The following ZNF710 variants were observed in gnomAD, a reference collection of about 807,000 sequenced individuals.
ZNF710 encodes zinc finger protein 710.
A neutral mutation model predicts 50.6 loss-of-function variants in ZNF710; 13 were observed. The observed-to-expected ratio is 0.26, with a 90% CI of 0.17 to 0.41. The LOEUF (loss-of-function observed/expected upper bound fraction) is 0.41, where lower values mean the gene tolerates loss of function less well. ZNF710 is among the 10% of genes least tolerant of loss of function. The probability of loss-of-function intolerance (pLI) is 1.00; values close to 1 mark genes in which losing one functional copy is unlikely to be tolerated. For synonymous variants in ZNF710, 383 were observed against 397.0 expected (o/e 0.96, Z 0.42); for missense variants, 721 against 936.6 (o/e 0.77, Z 3.01).
intron 1 of ZNF710, among the ~76,000 whole-genome samples, chr15:90,046,740 G>C (rs180734563): frequency 6.6e-6 from 1 of 152,182 alleles, no homozygotes; most frequent in Non-Finnish European, 1.5e-5. Context: ...AGGGTCTGGG[G>C]CTCCAAAGGG....
chr15:90,079,407 T>G (rs897987045), intron 4 of ZNF710, among the ~76,000 whole-genome samples: 1 of 152,046 alleles, frequency 6.6e-6, no homozygotes, highest in African/African-American at 2.4e-5. Flanking sequence ...GGCCTGCAGT[T>G]CTCCACCACA....
At chr15:90,054,131 G>A (rs1026490684) in intron 1 of ZNF710, among the ~76,000 whole-genome samples, 8 of 152,284 alleles carry the variant, frequency 5.3e-5, no homozygotes, top group Admixed American at 1.3e-4. Flanking sequence ...AAAAGGGAGC[G>A]AGAGAGCAGA....
rs1243634333 is a variant in ZNF710 at position 90,062,819 on chromosome 15, C to T, written c.-28-4291C>T. On this transcript the variant is annotated intron_variant, in intron 1 of 4. Transcript: ENST00000268154. This position sits in a 1 kb window ranked among gnomAD's most constrained non-coding sequence, Gnocchi z 5.6. ...TTAGATTCCCTCCTCAGCAGAGCCC[C>T]TTCTGCATACACACACGCGCGCACG... 6.6e-6 allele frequency among the ~76,000 whole-genome samples: 1 copy of T among 152,194 alleles called. No individual in the cohort carries two copies. Among genetic ancestry groups the T allele is most frequent in the Non-Finnish European group, 1.5e-5 (1 of 68,012 alleles).
At chr15:90,070,204 A>G (rs1412831553) in intron 2 of ZNF710, among the ~76,000 whole-genome samples, 1 of 152,172 alleles carries the variant, frequency 6.6e-6, no homozygotes, top group African/African-American at 2.4e-5. Context: ...TAATGTCAAG[A>G]AAGAGTCTAG....
At position 90,034,208 on chromosome 15, in the gene ZNF710, A is replaced by AAAAG. The variant is rs1255784288; in HGVS notation, c.-29+32598_-29+32601dup. Reference sequence around the variant, plus strand: ...GTGAGACTCTGTCTCAAAAAAAAAGAAAAGAAAAGAAAAGAAAAGAAAACA... The same window carrying AAAAG: ...GTGAGACTCTGTCTCAAAAAAAAAGAAAAGAAAGAAAAGAAAAGAAAAGAAAACA... On this transcript the variant is annotated intron_variant, in intron 1 of 4. Coordinates refer to ENST00000268154, the MANE Select transcript of ZNF710 (RefSeq NM_198526.4). The surrounding 1 kb of genome is among the most constrained non-coding windows in gnomAD (Gnocchi z 4.0). Among the ~76,000 whole-genome samples the AAAAG allele has an allele frequency of 6.4e-4, 91 of 141,090 alleles. No individual in the cohort carries two copies. The highest frequency in any genetic ancestry group is 2.5e-3 in the African/African-American group (84 of 33,062). The allele number at this position is 141,090 out of a possible 152,430, so 92.6% of individuals were successfully genotyped here.
At chr15:90,060,249 T>C (rs894829749) in intron 1 of ZNF710, among the ~76,000 whole-genome samples, 3 of 152,218 alleles carry the variant, frequency 2.0e-5, no homozygotes, top group Admixed American at 1.3e-4. Context: ...GTTTAGTAAA[T>C]GTGCATTAAA....
At chr15:90,052,077 T>G (rs1349301638) in intron 1 of ZNF710, among the ~76,000 whole-genome samples, 1 of 152,084 alleles carries the variant, frequency 6.6e-6, no homozygotes, top group Non-Finnish European at 1.5e-5. Flanking sequence ...TCCTCGGACC[T>G]TGCTCCTGGG....
chr15:90,067,698 T>C lies in ZNF710; in HGVS notation c.561T>C (p.Tyr187=). 3 of 1,611,094 alleles carry C rather than the reference T, an allele frequency of 1.9e-6. No homozygotes were observed. Among genetic ancestry groups the C allele is most frequent in the Non-Finnish European group, 2.5e-6 (3 of 1,178,694 alleles). Residue 187 remains tyrosine (Y), a synonymous_variant, in exon 2 of 5, where the codon TAT becomes TAC. Transcript: ENST00000268154. This position sits in a 1 kb window ranked among gnomAD's most constrained non-coding sequence, Gnocchi z 8.1. Reference sequence around the variant, plus strand: ...GGCCGGAGCTGAACGTGGCCCCATATGACCCTCACTTCCCGGCCCCGGCCC... The same window carrying C: ...GGCCGGAGCTGAACGTGGCCCCATACGACCCTCACTTCCCGGCCCCGGCCC... The part of the protein sequence containing the change: ...TPRPELNVAP[Y]DPHFPAPARD...
At chr15:90,038,707 C>G (rs531739620) in intron 1 of ZNF710, among the ~76,000 whole-genome samples, 35 of 143,580 alleles carry the variant, frequency 2.4e-4, no homozygotes, top group Admixed American at 4.1e-4. Context: ...CCTCCCTGCT[C>G]TGTGTGTGTG....
In ZNF710 at chr15:90,059,560, T is replaced by C. The variant is rs1423715076; in HGVS notation, c.-28-7550T>C. 6.6e-6 allele frequency among the ~76,000 whole-genome samples: 1 copy of C among 152,108 alleles called. No homozygotes were observed. Among genetic ancestry groups the C allele is most frequent in the Non-Finnish European group, 1.5e-5 (1 of 68,002 alleles). ...TCCCAGAGGTGGGGCTCAGTGAATC[T>C]GTCCACAGAGAAAGGGGAAGCAAGG... On this transcript the variant is annotated intron_variant, in intron 1 of 4. Coordinates refer to ENST00000268154, the MANE Select transcript of ZNF710 (RefSeq NM_198526.4). The surrounding 1 kb of genome is among the most constrained non-coding windows in gnomAD (Gnocchi z 4.1).
At chr15:90,044,703 G>A (rs971133353) in intron 1 of ZNF710, among the ~76,000 whole-genome samples, 5 of 152,102 alleles carry the variant, frequency 3.3e-5, no homozygotes, top group East Asian at 1.9e-4. Context: ...CTGTGGAAAC[G>A]AACCTCCTCT....
intron 1 of ZNF710, among the ~76,000 whole-genome samples, chr15:90,050,780 T>A (rs535299158): frequency 5.9e-5 from 9 of 151,766 alleles, no homozygotes; most frequent in South Asian, 2.1e-4. Context: ...TTTTTTTTTT[T>A]AAGCACATTT....
At chr15:90,023,736 AC>A (rs1255344878) in intron 1 of ZNF710, among the ~76,000 whole-genome samples, 1 of 152,094 alleles carries the variant, frequency 6.6e-6, no homozygotes, top group Non-Finnish European at 1.5e-5. Flanking sequence ...GGTGGCTCAC[AC>A]CTGTAATCCC....
intron 4 of ZNF710, among the ~76,000 whole-genome samples, chr15:90,079,303 C>T (rs993529839): frequency 1.3e-5 from 2 of 152,200 alleles, no homozygotes; most frequent in African/African-American, 2.4e-5. Flanking sequence ...GGCAGCTTCC[C>T]GTGGCCAGAG....
intron 1 of ZNF710, among the ~76,000 whole-genome samples, chr15:90,056,040 C>T (rs1899804023): frequency 1.3e-5 from 2 of 151,310 alleles, no homozygotes; most frequent in South Asian, 2.1e-4. Context: ...TCGCTTGAAC[C>T]AGGAGGTGGA....
At chr15:90,008,422 G>GTGTGTATATATATATATACATATATATA (rs1898193619) in intron 1 of ZNF710, among the ~76,000 whole-genome samples, 6 of 126,960 alleles carry the variant, frequency 4.7e-5, no homozygotes, top group South Asian at 4.4e-4. Context: ...GTGTGTGTGT[G>GTGTGTATATATATATATACATATATATA]TGTGTATATA....
intron 1 of ZNF710, among the ~76,000 whole-genome samples, chr15:90,015,902 C>T (rs1898442570): frequency 2.6e-5 from 4 of 152,162 alleles, no homozygotes; most frequent in African/African-American, 9.7e-5. Context: ...AGTCACCGCG[C>T]CCAATGCCAT....
chr15:90,015,327 A>T (rs965518020), intron 1 of ZNF710, among the ~76,000 whole-genome samples: 1 of 152,216 alleles, frequency 6.6e-6, no homozygotes, highest in Non-Finnish European at 1.5e-5. Flanking sequence ...TGGGGAACAG[A>T]TACTCTCATA....
At chr15:90,008,424 G>GTATATATATATATACATATATATATA (rs1567218324) in intron 1 of ZNF710, among the ~76,000 whole-genome samples, 1 of 126,328 alleles carries the variant, frequency 7.9e-6, no homozygotes, top group Admixed American at 7.3e-5. Context: ...GTGTGTGTGT[G>GTATATATATATATACATATATATATA]TGTATATATA....
Sources: allele counts gnomAD v4.1 joint callset (sites outside exome capture counted in the v4.1 genomes callset), GRCh38; gene constraint gnomAD v4.1.1; non-coding constraint Gnocchi (gnomAD v3.1); transcripts MANE v1.5; gene names NCBI Gene and HGNC (gene_info 2026-07-23, HGNC 2026-07-21).